PRORP: variants seen among roughly 807,000 people sequenced by gnomAD.
PRORP encodes the protein mitochondrial ribonuclease P catalytic subunit.
In PRORP, 51 loss-of-function variants were observed where a neutral mutation model predicts 59.4. The observed-to-expected ratio is 0.86, with a 90% confidence interval of 0.69 to 1.08. The LOEUF is 1.08. Among genes scored for constraint, PRORP ranks in the 50% least tolerant of loss-of-function variants. PRORP has a pLI of 0.00. For missense variants in PRORP, 646 were observed against 690.3 expected, an observed-to-expected ratio of 0.94 and a Z score of 0.72; for synonymous variants, 231 against 245.6, an observed-to-expected ratio of 0.94 and a Z score of 0.55.
At chr14:35,206,346 T>C (rs2049294747) in intron 5 of PRORP, among the ~76,000 whole-genome samples, 1 of 152,182 alleles carries the variant, frequency 6.6e-6, no homozygotes, top group African/African-American at 2.4e-5. Context: ...GTTATTCTGC[T>C]TCCTTCTTCC....
At position 35,139,925 on chromosome 14, in the gene PRORP, CT is replaced by C. The variant is rs1377621357; in HGVS notation, c.1167+12318del. On this transcript the variant is annotated intron_variant, in intron 4 of 7. Coordinates refer to ENST00000534898, the MANE Select transcript of PRORP (RefSeq NM_014672.4). ...CCTGGCAATTGATGGTGTTCCTTGGCTTTTAGCTGCATCACTCCATTCTCTG... is the reference window on the plus strand; with the variant it reads ...CCTGGCAATTGATGGTGTTCCTTGGCTTTAGCTGCATCACTCCATTCTCTG... Among the ~76,000 whole-genome samples, 2 of 145,720 alleles carry C rather than the reference CT, an allele frequency of 1.4e-5. 1 individual carries two copies. The highest frequency in any genetic ancestry group is 4.7e-4 in the East Asian group (2 of 4,300).
chr14:35,273,113 T>C (rs1444748907), intron 7 of PRORP, among the ~76,000 whole-genome samples: 1 of 152,178 alleles, frequency 6.6e-6, no homozygotes, highest in Non-Finnish European at 1.5e-5. Context: ...GAACCTGCAG[T>C]TGTGGAAGGC....
At chr14:35,149,256 C>T (rs572738502) in intron 4 of PRORP, among the ~76,000 whole-genome samples, 1 of 151,784 alleles carries the variant, frequency 6.6e-6, no homozygotes, top group East Asian at 1.9e-4. Context: ...ATTCTGTCAT[C>T]CAGGCTGGAG....
intron 5 of PRORP, 64 bp downstream of exon 5, chr14:35,180,841 CCTT>C: frequency 2.8e-6 from 3 of 1,083,782 alleles, no homozygotes; most frequent in Non-Finnish European, 4.1e-6. Flanking sequence ...CCATTTATGA[CCTT>C]CTTGGGGCTC....
At chr14:35,203,914 G>A (rs1376560820) in intron 5 of PRORP, among the ~76,000 whole-genome samples, 1 of 152,094 alleles carries the variant, frequency 6.6e-6, no homozygotes, top group African/African-American at 2.4e-5. Flanking sequence ...ATTGCATTGA[G>A]GCAATGACAA....
chr14:35,160,910 AC>A (rs1261310640), intron 4 of PRORP, among the ~76,000 whole-genome samples: 5 of 152,202 alleles, frequency 3.3e-5, no homozygotes, highest in Non-Finnish European at 4.4e-5. Flanking sequence ...GATCGATCTT[AC>A]CTCAGTCTAG....
At chr14:35,262,729 G>A (rs1277781240) in intron 5 of PRORP, 2 of 892,778 alleles carry the variant, frequency 2.2e-6, no homozygotes, top group Non-Finnish European at 3.8e-6. Context: ...TTCCATTACA[G>A]GATGAGGTCT....
intron 5 of PRORP, among the ~76,000 whole-genome samples, chr14:35,209,781 C>T (rs1460004342): frequency 2.0e-5 from 3 of 152,172 alleles, no homozygotes; most frequent in Non-Finnish European, 4.4e-5. Context: ...GGTGATCCAC[C>T]GTCCTCGGCC....
intron 4 of PRORP, among the ~76,000 whole-genome samples, chr14:35,172,892 G>A (rs1378726602): frequency 7.1e-6 from 1 of 140,960 alleles, no homozygotes; most frequent in Non-Finnish European, 1.5e-5. Context: ...TTTGGAGATA[G>A]AGTTTCTCTC....
intron 5 of PRORP, among the ~76,000 whole-genome samples, chr14:35,224,869 A>G (rs889346693): frequency 1.4e-4 from 21 of 152,032 alleles, no homozygotes; most frequent in African/African-American, 4.8e-4. Context: ...TTGTTTGTGT[A>G]TATTTGACAA....
chr14:35,134,063 A>G (rs1396047678), intron 4 of PRORP, among the ~76,000 whole-genome samples: 1 of 152,178 alleles, frequency 6.6e-6, no homozygotes, highest in African/African-American at 2.4e-5. Context: ...TCTTCCCTTC[A>G]GGGCGACAAG....
intron 6 of PRORP, 130 bp downstream of exon 6, chr14:35,267,005 AGATTT>A (rs2051059083): frequency 2.3e-6 from 2 of 872,142 alleles, no homozygotes; most frequent in Non-Finnish European, 3.3e-6. Context: ...AAAAAAAAAA[AGATTT>A]GAGACAACTT....
At chr14:35,190,853 A>G (rs2048865673) in intron 5 of PRORP, among the ~76,000 whole-genome samples, 1 of 152,162 alleles carries the variant, frequency 6.6e-6, no homozygotes, top group East Asian at 1.9e-4. Context: ...ACTTGAGTCA[A>G]CTTTTATATA....
intron 5 of PRORP, among the ~76,000 whole-genome samples, chr14:35,244,491 T>C (rs1321092919): frequency 6.6e-6 from 1 of 151,976 alleles, no homozygotes; most frequent in Non-Finnish European, 1.5e-5. Flanking sequence ...AAACTTAGGC[T>C]CTTAATTTGC....
intron 5 of PRORP, among the ~76,000 whole-genome samples, chr14:35,214,065 G>T (rs1283247510): frequency 6.6e-6 from 1 of 152,204 alleles, no homozygotes; most frequent in Non-Finnish European, 1.5e-5. Context: ...TGGTGATGAT[G>T]ATAAAAGCCA....
intron 5 of PRORP, among the ~76,000 whole-genome samples, chr14:35,257,202 ATAT>A (rs2050783421): frequency 6.6e-6 from 1 of 152,318 alleles, no homozygotes; most frequent in East Asian, 1.9e-4. Context: ...GTTGTAAAAT[ATAT>A]TAACATAAAA....
At chr14:35,158,513 A>G (rs750480845) in intron 4 of PRORP, 38 of 238,622 alleles carry the variant, frequency 1.6e-4, no homozygotes, top group Non-Finnish European at 1.6e-4. Context: ...GGAAATTTAT[A>G]TATTTTAAGT....
chr14:35,243,462 G>A (rs1319307009), intron 5 of PRORP, among the ~76,000 whole-genome samples: 1 of 151,916 alleles, frequency 6.6e-6, no homozygotes, highest in African/African-American at 2.4e-5. Context: ...CTTGAGCCCA[G>A]GAGGTTGAGG....
intron 4 of PRORP, among the ~76,000 whole-genome samples, chr14:35,166,367 G>A (rs540134981): frequency 1.5e-4 from 23 of 151,182 alleles, no homozygotes; most frequent in Admixed American, 1.1e-3. Flanking sequence ...AGATGCAACC[G>A]AATTTGTCCT....
Sources: allele counts gnomAD v4.1 joint callset (sites outside exome capture counted in the v4.1 genomes callset), GRCh38; gene constraint gnomAD v4.1.1; transcripts MANE v1.5; gene names NCBI Gene and HGNC (gene_info 2026-07-23, HGNC 2026-07-21).